PALD1: variants seen among roughly 807,000 people sequenced by gnomAD.
The protein encoded by PALD1 is paladin.
A neutral mutation model predicts 96.0 loss-of-function variants in PALD1; 57 were observed. The ratio of observed to expected loss-of-function variants is 0.59; its 90% confidence interval spans 0.48 to 0.74. The LOEUF is 0.74. Among genes scored for constraint, PALD1 ranks in the 30% least tolerant of loss-of-function variants. The probability of loss-of-function intolerance (pLI) is 0.00; values close to 1 mark genes in which losing one functional copy is unlikely to be tolerated. For synonymous variants in PALD1, 464 were observed against 473.6 expected (o/e 0.98, Z 0.26); for missense variants, 1,063 against 1,143.7 (o/e 0.93, Z 1.02).
the PALD1 span, among the ~76,000 whole-genome samples, chr10:70,460,030 C>G: frequency 6.6e-6 from 1 of 152,180 alleles, no homozygotes; most frequent in Non-Finnish European, 1.5e-5. Context: ...GGAGAGACTC[C>G]GTGTTACCAA....
At chr10:70,498,093 T>C (rs777417188) in intron 1 of PALD1, among the ~76,000 whole-genome samples, 1 of 152,044 alleles carries the variant, frequency 6.6e-6, no homozygotes, top group African/African-American at 2.4e-5. Context: ...CTCCCTCTCC[T>C]CCAGGCCCTG....
intron 1 of PALD1, among the ~76,000 whole-genome samples, chr10:70,497,393 A>G (rs573947003): frequency 6.6e-6 from 1 of 151,676 alleles, no homozygotes; most frequent in Admixed American, 6.6e-5. Flanking sequence ...AAGGCCGCCA[A>G]CTCCCTGACC....
chr10:70,539,859 C>A lies in PALD1; in HGVS notation c.1908+97C>A. On this transcript the variant is annotated intron_variant, in intron 15 of 19. Transcript: ENST00000263563. This position sits in a 1 kb window ranked among gnomAD's most constrained non-coding sequence, Gnocchi z 4.5. ...CTCTGGGAGAATGAAACGACCCCAG[C>A]TTCTCTACGGGGCCCGGGAATGGTC... 1.8e-6 allele frequency: 2 copies of A among 1,102,524 alleles called. No individual in the cohort carries two copies. Among genetic ancestry groups the A allele is most frequent in the Non-Finnish European group, 1.3e-6 (1 of 767,648 alleles). 68.3% of individuals were successfully genotyped at this position (1,102,524 alleles called of 1,614,324 possible). A position where few individuals can be genotyped will look rare whatever the true frequency, so the allele number is the denominator to read the frequency against.
chr10:70,510,883 G>T (rs923652262), intron 1 of PALD1, among the ~76,000 whole-genome samples: 2 of 152,188 alleles, frequency 1.3e-5, no homozygotes, highest in African/African-American at 4.8e-5. Context: ...ATGCTGTCTC[G>T]CAGTTAGTGG....
chr10:70,531,044 C>T (rs576392051), intron 4 of PALD1, among the ~76,000 whole-genome samples: 75 of 152,274 alleles, frequency 4.9e-4, no homozygotes, highest in African/African-American at 9.9e-4. Context: ...CAGGAATTAA[C>T]GCCAAGAGAT....
chr10:70,514,371 A>AT (rs1160981077), intron 1 of PALD1, among the ~76,000 whole-genome samples: 3 of 152,182 alleles, frequency 2.0e-5, no homozygotes, highest in South Asian at 2.1e-4. Flanking sequence ...CTTTTAAACT[A>AT]TTTTTTTTCT....
intron 1 of PALD1, among the ~76,000 whole-genome samples, chr10:70,489,174 G>A (rs554050532): frequency 6.6e-5 from 10 of 152,138 alleles, no homozygotes; most frequent in African/African-American, 1.9e-4. Flanking sequence ...CCCAGCCTAC[G>A]TGGGTGGAGG....
intron 6 of PALD1, 51 bp downstream of exon 6, chr10:70,532,832 C>G (rs753175944): frequency 3.8e-6 from 6 of 1,594,330 alleles, no homozygotes; most frequent in African/African-American, 2.7e-5. Flanking sequence ...AGGTCCTGCT[C>G]TCCAGCTGCA....
intron 18 of PALD1, among the ~76,000 whole-genome samples, chr10:70,561,464 A>G (rs1015657858): frequency 3.3e-5 from 5 of 152,190 alleles, no homozygotes; most frequent in Non-Finnish European, 7.4e-5. Context: ...GGCCAGTTGC[A>G]TTGTGGCGCA....
intron 1 of PALD1, among the ~76,000 whole-genome samples, chr10:70,523,390 C>T (rs1010574170): frequency 1.3e-5 from 2 of 152,188 alleles, no homozygotes; most frequent in East Asian, 3.9e-4. Flanking sequence ...GAGAGCTGCC[C>T]TGAGCCCTTG....
chr10:70,550,724 A>G (rs1044367094), intron 18 of PALD1, among the ~76,000 whole-genome samples: 1 of 152,186 alleles, frequency 6.6e-6, no homozygotes, highest in Non-Finnish European at 1.5e-5. Context: ...ATCATACACC[A>G]TGTGGTCCTT....
At chr10:70,488,766 G>T (rs1042863111) in intron 1 of PALD1, among the ~76,000 whole-genome samples, 8 of 152,128 alleles carry the variant, frequency 5.3e-5, no homozygotes, top group Non-Finnish European at 7.4e-5. Flanking sequence ...CCTGGAGGTG[G>T]TTAATTTAGA....
In PALD1 at chr10:70,539,198, C is replaced by T. The variant is rs1409814437; in HGVS notation, c.1676C>T (p.Thr559Ile). The part of the protein sequence containing the change: ...EEAVLECDGH[T>I]YSLRWPGPPV... ...GCCGTGTTGGAGTGTGACGGGCACA[C>T]CTACAGCCTGCGGTGGCCTGGGCCC... Residue 559 changes from threonine to isoleucine, a missense_variant, in exon 14 of 20, where the codon ACC (threonine) becomes ATC (isoleucine). By Grantham distance (89) the Thr-to-Ile change is moderately conservative. Transcript: ENST00000263563. The surrounding 1 kb of genome is among the most constrained non-coding windows in gnomAD (Gnocchi z 4.5). 3.1e-6 allele frequency: 5 copies of T among 1,612,830 alleles called. No homozygotes were observed. The highest frequency in any genetic ancestry group is 4.2e-6 in the Non-Finnish European group (5 of 1,179,520).
At chr10:70,462,684 G>A in the PALD1 span, among the ~76,000 whole-genome samples, 1 of 152,242 alleles carries the variant, frequency 6.6e-6, no homozygotes, top group African/African-American at 2.4e-5. Context: ...CCTGGCAGAT[G>A]CCTTGTGCCC....
chr10:70,539,485 C>T lies in PALD1; in HGVS notation c.1726-95C>T. On this transcript the variant is annotated intron_variant, in intron 14 of 19. Transcript: ENST00000263563. This position sits in a 1 kb window ranked among gnomAD's most constrained non-coding sequence, Gnocchi z 4.5. ...GGGGGGTCAGGGATGGGACTGGAAG[C>T]CAGGGCCAGGCCTGGCCATGGCAGG... 1.6e-6 allele frequency: 2 copies of T among 1,242,226 alleles called. No individual in the cohort carries two copies. Among genetic ancestry groups the T allele is most frequent in the Non-Finnish European group, 2.2e-6 (2 of 912,026 alleles). The allele number at this position is 1,242,226 out of a possible 1,614,324, so 77.0% of individuals were successfully genotyped here.
intron 1 of PALD1, among the ~76,000 whole-genome samples, chr10:70,484,442 C>T (rs2132257898): frequency 6.6e-6 from 1 of 152,210 alleles, no homozygotes; most frequent in South Asian, 2.1e-4. Context: ...AAGAATACAA[C>T]CAAAATTAAG....
At chr10:70,510,071 A>G (rs1325372564) in intron 1 of PALD1, among the ~76,000 whole-genome samples, 2 of 151,922 alleles carry the variant, frequency 1.3e-5, no homozygotes. Context: ...GGATTTGCCT[A>G]AAATATTGGG....
intron 1 of PALD1, among the ~76,000 whole-genome samples, chr10:70,521,382 T>C (rs1014322433): frequency 3.3e-5 from 5 of 152,058 alleles, no homozygotes; most frequent in African/African-American, 7.2e-5. Context: ...CTCATCCTTA[T>C]AGGGTTCTGG....
chr10:70,529,972 G>T lies in PALD1; in HGVS notation c.372G>T (p.Arg124=). 6.2e-7 allele frequency: 1 copy of T among 1,612,718 alleles called. No individual in the cohort carries two copies. Among genetic ancestry groups the T allele is most frequent in the African/African-American group, 1.3e-5 (1 of 74,972 alleles). ...GAAGCTGTGGGGCCCCCAACTTCCG[G>T]CAGGTGCAGGGTGGGCTCACTGTGT... ...TVGSCGAPNF[R]QVQGGLTVFG... is the part of the protein sequence containing the mutation. The change falls in exon 4 of 20, where the codon CGG becomes CGT. Residue 124 remains arginine, a synonymous_variant. Coordinates refer to ENST00000263563, the MANE Select transcript of PALD1 (RefSeq NM_014431.3).
Sources: allele counts gnomAD v4.1 joint callset (sites outside exome capture counted in the v4.1 genomes callset), GRCh38; gene constraint gnomAD v4.1.1; non-coding constraint Gnocchi (gnomAD v3.1); transcripts MANE v1.5; gene names NCBI Gene and HGNC (gene_info 2026-07-23, HGNC 2026-07-21).